Variants in ZMYM6 observed in about 807,000 individuals in gnomAD.
ZMYM6 encodes the protein zinc finger MYM-type protein 6.
In ZMYM6, 90 loss-of-function variants were observed where a neutral mutation model predicts 134.0. The observed-to-expected ratio is 0.67, with a 90% CI of 0.57 to 0.80. The LOEUF (loss-of-function observed/expected upper bound fraction) is 0.80. Ranked by LOEUF, ZMYM6 falls within the 30% of genes least tolerant of loss-of-function variation. The pLI is 0.00. For synonymous variants in ZMYM6, 481 were observed against 524.1 expected (o/e 0.92, Z 1.12); for missense variants, 1,362 against 1,533.9 (o/e 0.89, Z 1.87).
chr1:35,028,184 C>T (rs577404764), intron 2 of ZMYM6, among the ~76,000 whole-genome samples: 6 of 151,858 alleles, frequency 4.0e-5, no homozygotes, highest in South Asian at 4.2e-4. Context: ...GGCGTGGTGG[C>T]GCACACCTGT....
At chr1:34,996,862 A>G (rs1156966840) in intron 14 of ZMYM6, among the ~76,000 whole-genome samples, 1 of 152,132 alleles carries the variant, frequency 6.6e-6, no homozygotes, top group East Asian at 1.9e-4. Flanking sequence ...ATGTAGAGCT[A>G]TTTTTTTCTA....
chr1:35,019,660 GTC>G (rs377267965), intron 3 of ZMYM6, 58 bp from the exon 4 acceptor site: 23,314 of 1,335,498 alleles, frequency 0.017, no homozygotes, highest in South Asian at 0.02. Flanking sequence ...TACAGTCTCA[GTC>G]TCTCTCTCTC....
chr1:35,030,285 G>C, intron 2 of ZMYM6: 1 of 331,702 alleles, frequency 3.0e-6, no homozygotes, highest in Non-Finnish European at 5.4e-6. Flanking sequence ...CAAAAAAATA[G>C]TTGAGCATGT....
intron 14 of ZMYM6, among the ~76,000 whole-genome samples, chr1:35,000,099 A>AT: frequency 6.6e-6 from 1 of 151,374 alleles, no homozygotes; most frequent in Non-Finnish European, 1.5e-5. Flanking sequence ...TACCCAGCTA[A>AT]TTTTTTGGTA....
At chr1:34,998,632 A>AG (rs1281310871) in intron 14 of ZMYM6, among the ~76,000 whole-genome samples, 1 of 152,218 alleles carries the variant, frequency 6.6e-6, no homozygotes, top group Non-Finnish European at 1.5e-5. Flanking sequence ...GGTAAGAAGT[A>AG]GGGATCACTG....
intron 14 of ZMYM6, among the ~76,000 whole-genome samples, chr1:34,995,340 A>G (rs1336753646): frequency 6.6e-6 from 1 of 151,036 alleles, no homozygotes; most frequent in African/African-American, 2.4e-5. Flanking sequence ...ATATATGTAT[A>G]TACGTTGTAT....
chr1:35,000,008 G>A (rs964288556), intron 14 of ZMYM6, among the ~76,000 whole-genome samples: 3 of 151,822 alleles, frequency 2.0e-5, no homozygotes, highest in South Asian at 2.1e-4. Flanking sequence ...AGCTCACCGC[G>A]GCCTTGACCT....
At chr1:35,014,585 A>G in intron 6 of ZMYM6, 112 bp downstream of exon 6, 4 of 1,036,236 alleles carry the variant, frequency 3.9e-6, no homozygotes, top group Non-Finnish European at 4.2e-6. Flanking sequence ...AAGGGAAATC[A>G]CATATCAGGA....
intron 7 of ZMYM6, among the ~76,000 whole-genome samples, 160 bp downstream of exon 7, chr1:35,012,271 G>A (rs1199294043): frequency 2.0e-5 from 3 of 151,984 alleles, no homozygotes; most frequent in African/African-American, 7.2e-5. Context: ...GAAAATCGGG[G>A]AAAAACTATT....
chr1:34,999,518 AAT>A (rs1166740701), intron 14 of ZMYM6, among the ~76,000 whole-genome samples: 1 of 152,230 alleles, frequency 6.6e-6, no homozygotes, highest in Non-Finnish European at 1.5e-5. Flanking sequence ...TGATGAAAAT[AAT>A]GAGTTGAAAA....
chr1:35,006,089 C>A (rs1640961376), intron 12 of ZMYM6, among the ~76,000 whole-genome samples: 1 of 152,146 alleles, frequency 6.6e-6, no homozygotes, highest in African/African-American at 2.4e-5. Flanking sequence ...CTCACTGTAA[C>A]CTCCATCTCT....
In ZMYM6 at chr1:34,986,814, T is replaced by G. The variant is rs1640586100; in HGVS notation, c.*290A>C. 1 of 188,830 alleles carries G rather than the reference T, an allele frequency of 5.3e-6. No homozygotes were observed. Among genetic ancestry groups the G allele is most frequent in the South Asian group, 1.9e-4 (1 of 5,284 alleles). 11.7% of individuals were successfully genotyped at this position (188,830 alleles called of 1,614,324 possible). On this transcript the variant is annotated 3_prime_UTR_variant, in exon 16 of 16. Coordinates refer to ENST00000357182, the MANE Select transcript of ZMYM6 (RefSeq NM_007167.4). ...CCACTTGCTTCTAAAGGCCAAGCTGTTTCAACATCCAGGTTGTGCTGTTAC... is the reference window on the plus strand; with the variant it reads ...CCACTTGCTTCTAAAGGCCAAGCTGGTTCAACATCCAGGTTGTGCTGTTAC...
At chr1:35,010,006 C>CA (rs1345372363) in intron 10 of ZMYM6, among the ~76,000 whole-genome samples, 1 of 151,610 alleles carries the variant, frequency 6.6e-6, no homozygotes, top group East Asian at 1.9e-4. Context: ...AAACACAATT[C>CA]AAAAAAACCT....
intron 2 of ZMYM6, among the ~76,000 whole-genome samples, chr1:35,025,698 T>C (rs757265045): frequency 6.6e-5 from 10 of 152,196 alleles, no homozygotes; most frequent in African/African-American, 9.7e-5. Context: ...TTCATCTCTG[T>C]AGCCTTTCTG....
At chr1:35,009,840 G>A (rs1472042634) in intron 10 of ZMYM6, among the ~76,000 whole-genome samples, 1 of 152,068 alleles carries the variant, frequency 6.6e-6, no homozygotes, top group East Asian at 1.9e-4. Context: ...GGAGGCTGAA[G>A]TGGGAGGATC....
At position 35,019,245 on chromosome 1, in the gene ZMYM6, C is replaced by G. The variant is rs765978120; in HGVS notation, c.428+108G>C. Reference sequence around the variant, plus strand: ...TCTTCCATTAACTAAAAAGTTATTTCTACAGATACATGCTGAAGAGATTTA... The same window carrying G: ...TCTTCCATTAACTAAAAAGTTATTTGTACAGATACATGCTGAAGAGATTTA... On this transcript the variant is annotated intron_variant, in intron 4 of 15. Transcript: ENST00000357182. The G allele has an allele frequency of 4.1e-6, 6 of 1,477,938 alleles. No homozygotes were observed. The African/African-American group carries it at 8.5e-5, about 21-fold the overall frequency. The allele number at this position is 1,477,938 out of a possible 1,614,324, so 91.6% of individuals were successfully genotyped here. A position where few individuals can be genotyped will look rare whatever the true frequency, so the allele number is the denominator to read the frequency against.
intron 4 of ZMYM6, among the ~76,000 whole-genome samples, chr1:35,015,723 C>CAAAAAAAAAAA (rs1331400824): frequency 9.8e-5 from 5 of 51,190 alleles, no homozygotes; most frequent in African/African-American, 5.4e-4. Context: ...GACTCCATCT[C>CAAAAAAAAAAA]AAAAAAAAAA....
chr1:35,003,818 TTTAC>T, intron 14 of ZMYM6, 146 bp downstream of exon 14: 2 of 660,668 alleles, frequency 3.0e-6, no homozygotes, highest in Middle Eastern at 2.6e-4. Context: ...TGCCAGTCAC[TTTAC>T]TGTTAGTTGT....
chr1:35,031,025 C>CT (rs1641513129), intron 1 of ZMYM6, among the ~76,000 whole-genome samples: 1 of 152,158 alleles, frequency 6.6e-6, no homozygotes, highest in South Asian at 2.1e-4. Context: ...GTAATAAACT[C>CT]TGAGAAGAAC....
Sources: gnomAD v4.1 joint callset for allele counts (sites outside exome capture counted in the v4.1 genomes callset) on GRCh38, gnomAD v4.1.1 for gene constraint, MANE v1.5 for transcripts, NCBI Gene and HGNC (gene_info 2026-07-23, HGNC 2026-07-21) for gene names.